The following SLAMF1 variants were observed in gnomAD, a reference collection of about 807,000 sequenced individuals.
The protein encoded by SLAMF1 is signaling lymphocytic activation molecule.
Under a neutral mutation model 35.1 loss-of-function variants are expected in SLAMF1, and 18 were observed. The ratio of observed to expected loss-of-function variants is 0.51; its 90% CI spans 0.35 to 0.76. The LOEUF (loss-of-function observed/expected upper bound fraction) is 0.76. Ranked by LOEUF, SLAMF1 falls within the 30% of genes least tolerant of loss-of-function variation. SLAMF1 has a pLI of 0.01. For synonymous variants in SLAMF1, 168 were observed against 157.2 expected, an observed-to-expected ratio of 1.07 and a Z score of -0.51; for missense variants, 392 against 413.0, an observed-to-expected ratio of 0.95 and a Z score of 0.44.
At position 160,621,809 on chromosome 1, in the gene SLAMF1, G is replaced by A. The variant is rs151326042; in HGVS notation, c.791-1960C>T. Among the ~76,000 whole-genome samples the A allele has an allele frequency of 3.2e-3, 485 of 151,344 alleles. 3 individuals carry two copies. Among genetic ancestry groups the A allele is most frequent in the African/African-American group, 0.011 (450 of 41,118 alleles). On this transcript the variant is annotated intron_variant, in intron 4 of 6. Transcript: ENST00000302035. ...CGGTGTGCCTAGTGGTTTCAACTTC[G>A]CTTTTTTGGTCAGAGTTGATCCTGA...
intron 1 of SLAMF1, among the ~76,000 whole-genome samples, chr1:160,646,228 C>T (rs549654527): frequency 7.2e-5 from 11 of 152,162 alleles, no homozygotes; most frequent in Non-Finnish European, 1.6e-4. Flanking sequence ...TTTGCATTTC[C>T]CACATACTGT....
chr1:160,643,466 T>C (rs1403043320), intron 1 of SLAMF1, among the ~76,000 whole-genome samples: 3 of 152,344 alleles, frequency 2.0e-5, no homozygotes, highest in South Asian at 4.1e-4. Flanking sequence ...AATTTTATTA[T>C]TCGTTTGGAT....
intron 2 of SLAMF1, among the ~76,000 whole-genome samples, chr1:160,635,571 C>CTTTTT (rs36085536): frequency 7.3e-6 from 1 of 136,904 alleles, no homozygotes; most frequent in Non-Finnish European, 1.6e-5. Flanking sequence ...CATTCATCAT[C>CTTTTT]TTTTTTTTTT....
chr1:160,634,567 C>T (rs756598721), intron 3 of SLAMF1, 46 bp downstream of exon 3: 1 of 1,539,822 alleles, frequency 6.5e-7, no homozygotes, highest in Admixed American at 1.8e-5. Context: ...GAAGACTGAG[C>T]CCATGCTCAT....
intron 6 of SLAMF1, among the ~76,000 whole-genome samples, chr1:160,612,182 TG>T (rs1180493962): frequency 1.3e-5 from 2 of 152,062 alleles, no homozygotes; most frequent in Non-Finnish European, 2.9e-5. Context: ...GCCTGCATGC[TG>T]TGGCCTCCCT....
intron 5 of SLAMF1, among the ~76,000 whole-genome samples, chr1:160,617,361 A>C (rs1055476308): frequency 7.2e-5 from 11 of 152,160 alleles, no homozygotes; most frequent in African/African-American, 2.7e-4. Flanking sequence ...CCACTTAACG[A>C]CTTGCATATG....
chr1:160,646,728 G>A, intron 1 of SLAMF1, 142 bp downstream of exon 1: 1 of 597,620 alleles, frequency 1.7e-6, no homozygotes, highest in East Asian at 3.2e-5. Context: ...CTTTGAAAGA[G>A]GCAGTTGAAA....
At chr1:160,641,679 GA>G (rs1234225695) in intron 1 of SLAMF1, among the ~76,000 whole-genome samples, 1 of 152,060 alleles carries the variant, frequency 6.6e-6, no homozygotes, top group Non-Finnish European at 1.5e-5. Flanking sequence ...TTGGGGTCTG[GA>G]GGGGGTACTT....
intron 1 of SLAMF1, among the ~76,000 whole-genome samples, chr1:160,643,129 G>A (rs550070329): frequency 6.6e-5 from 10 of 152,134 alleles, no homozygotes; most frequent in South Asian, 2.1e-4. Context: ...TAAGAAACAA[G>A]GACAAATTAT....
chr1:160,643,120 A>G (rs1660841570), intron 1 of SLAMF1, among the ~76,000 whole-genome samples: 1 of 152,166 alleles, frequency 6.6e-6, no homozygotes, highest in African/African-American at 2.4e-5. Context: ...CTCCATAGGT[A>G]AGAAACAAGG....
intron 3 of SLAMF1, among the ~76,000 whole-genome samples, chr1:160,627,602 T>C (rs1161386792): frequency 6.6e-6 from 1 of 152,190 alleles, no homozygotes; most frequent in Non-Finnish European, 1.5e-5. Context: ...TAATTATATT[T>C]ACATGGAAAT....
intron 4 of SLAMF1, chr1:160,623,519 G>A (rs1659726349): frequency 7.5e-6 from 3 of 398,600 alleles, no homozygotes; most frequent in South Asian, 1.3e-4. Flanking sequence ...AAGGCAGCCG[G>A]GGCATCTCTC....
At chr1:160,628,560 T>G (rs1558008957) in intron 3 of SLAMF1, among the ~76,000 whole-genome samples, 1 of 152,256 alleles carries the variant, frequency 6.6e-6, no homozygotes, top group Non-Finnish European at 1.5e-5. Flanking sequence ...AGTCCCACTT[T>G]GATTGCAAAT....
chr1:160,610,111 T>C lies in SLAMF1; in HGVS notation c.*637A>G, dbSNP rs1658900868. On this transcript the variant is annotated 3_prime_UTR_variant, in exon 7 of 7. Coordinates refer to ENST00000302035, the MANE Select transcript of SLAMF1 (RefSeq NM_003037.5). ...CAAAACTCAGAGATCTCAAAATCAT[T>C]CTTTCTGTTTATTGACTTTTTAGCT... 2 of 337,206 alleles carry C rather than the reference T, an allele frequency of 5.9e-6. No individual in the cohort carries two copies. The highest frequency in any genetic ancestry group is 4.8e-5 in the South Asian group (2 of 41,648). The allele number at this position is 337,206 out of a possible 1,614,324, so 20.9% of individuals were successfully genotyped here. A position where few individuals can be genotyped will look rare whatever the true frequency, so the allele number is the denominator to read the frequency against.
chr1:160,640,880 G>C (rs183406909), intron 1 of SLAMF1, among the ~76,000 whole-genome samples: 1 of 152,168 alleles, frequency 6.6e-6, no homozygotes, highest in Non-Finnish European at 1.5e-5. Flanking sequence ...TTGATGACAT[G>C]AGGAACATTA....
intron 3 of SLAMF1, 114 bp from the exon 4 acceptor site, chr1:160,624,299 G>T: frequency 2.6e-6 from 2 of 777,856 alleles, no homozygotes. Flanking sequence ...TCTCTCCCAA[G>T]GGAGACGTTT....
intron 1 of SLAMF1, among the ~76,000 whole-genome samples, chr1:160,639,228 A>AT (rs887755158): frequency 1.3e-4 from 20 of 148,436 alleles, no homozygotes; most frequent in South Asian, 2.1e-4. Flanking sequence ...TCCAAACTCA[A>AT]TTTTTTTTTT....
Position 160,610,432 on chromosome 1 carries a change from A to G in SLAMF1, c.*316T>C, listed in dbSNP as rs1246357295. ...GATTTTTATTATCCAGTTCCAGCCAAGAGCAAGATGCCCAAAGTCTGAACT... is the reference window on the plus strand; with the variant it reads ...GATTTTTATTATCCAGTTCCAGCCAGGAGCAAGATGCCCAAAGTCTGAACT... On this transcript the variant is annotated 3_prime_UTR_variant, in exon 7 of 7. Transcript: ENST00000302035. 2.0e-6 allele frequency: 1 copy of G among 488,292 alleles called. No homozygotes were observed. The highest frequency in any genetic ancestry group is 4.0e-6 in the Non-Finnish European group (1 of 250,060). The allele number at this position is 488,292 out of a possible 1,614,324, so 30.2% of individuals were successfully genotyped here. A position where few individuals can be genotyped will look rare whatever the true frequency, so the allele number is the denominator to read the frequency against.
At chr1:160,619,650 G>C in intron 5 of SLAMF1, 126 bp downstream of exon 5, 1 of 715,550 alleles carries the variant, frequency 1.4e-6, no homozygotes, top group Non-Finnish European at 2.5e-6. Flanking sequence ...TCTTGTTCTT[G>C]ACTCCTGTTC....
Sources: allele counts gnomAD v4.1 joint callset (sites outside exome capture counted in the v4.1 genomes callset), GRCh38; gene constraint gnomAD v4.1.1; transcripts MANE v1.5; gene names NCBI Gene and HGNC (gene_info 2026-07-23, HGNC 2026-07-21).